ADAMTS17: variants seen among roughly 807,000 people sequenced by gnomAD.
ADAMTS17 encodes the protein ADAM metallopeptidase with thrombospondin type 1 motif 17.
Under a neutral mutation model 141.5 loss-of-function variants are expected in ADAMTS17, and 113 were observed. The ratio of observed to expected loss-of-function variants is 0.80; its 90% CI spans 0.69 to 0.93. The LOEUF (loss-of-function observed/expected upper bound fraction) is 0.93. Ranked by LOEUF, ADAMTS17 falls within the 40% of genes least tolerant of loss-of-function variation. The pLI is 0.00. For missense variants in ADAMTS17, 1,659 were observed against 1,517.9 expected (o/e 1.09, Z -1.54); for synonymous variants, 768 against 630.6 (o/e 1.22, Z -3.27).
At chr15:100,036,560 C>T (rs1021068403) in intron 18 of ADAMTS17, among the ~76,000 whole-genome samples, 16 of 152,234 alleles carry the variant, frequency 1.1e-4, no homozygotes, top group African/African-American at 3.6e-4. Flanking sequence ...CGAGAGCCTG[C>T]AACCGTAAGT....
At chr15:100,058,815 G>C (rs1221318228) in intron 15 of ADAMTS17, among the ~76,000 whole-genome samples, 1 of 152,248 alleles carries the variant, frequency 6.6e-6, no homozygotes, top group Non-Finnish European at 1.5e-5. Context: ...GGAGGCCACG[G>C]AGGAGTCACT....
chr15:100,225,048 T>C (rs2042252418), intron 7 of ADAMTS17, among the ~76,000 whole-genome samples: 1 of 152,228 alleles, frequency 6.6e-6, no homozygotes, highest in Non-Finnish European at 1.5e-5. Flanking sequence ...TCCCTGTTAC[T>C]CACCACCAAT....
chr15:100,073,885 G>A (rs1407855442), intron 15 of ADAMTS17, among the ~76,000 whole-genome samples: 2 of 147,922 alleles, frequency 1.4e-5, no homozygotes, highest in East Asian at 2.0e-4. Context: ...TGCACGTTGT[G>A]CACATGTACC....
chr15:100,017,046 G>A (rs1486482221), intron 18 of ADAMTS17, among the ~76,000 whole-genome samples: 1 of 152,196 alleles, frequency 6.6e-6, no homozygotes, highest in Non-Finnish European at 1.5e-5. Flanking sequence ...TGCTGTGGCT[G>A]CTATGGGGGA....
At chr15:100,076,719 A>G (rs1385554786) in intron 15 of ADAMTS17, among the ~76,000 whole-genome samples, 1 of 152,182 alleles carries the variant, frequency 6.6e-6, no homozygotes, top group East Asian at 1.9e-4. Context: ...AACAATTTAT[A>G]TATTTTGAAT....
intron 7 of ADAMTS17, among the ~76,000 whole-genome samples, chr15:100,221,720 T>C (rs1411807567): frequency 1.3e-5 from 2 of 152,200 alleles, no homozygotes; most frequent in Non-Finnish European, 2.9e-5. Flanking sequence ...TGTAAATGGA[T>C]GAAGAGTGCC....
intron 4 of ADAMTS17, among the ~76,000 whole-genome samples, chr15:100,267,248 T>C (rs1457809881): frequency 1.3e-5 from 2 of 152,180 alleles, no homozygotes; most frequent in Non-Finnish European, 2.9e-5. Context: ...ACTTGTGTTT[T>C]TGTGTCACTT....
chr15:100,035,351 C>A (rs79425535), intron 18 of ADAMTS17, among the ~76,000 whole-genome samples: 6,301 of 152,258 alleles, frequency 0.041, 274 homozygotes, highest in African/African-American at 0.11. Flanking sequence ...ATTTTTAAAA[C>A]ATTAATTTTA....
At chr15:100,104,930 A>G (rs2036323793) in intron 14 of ADAMTS17, among the ~76,000 whole-genome samples, 1 of 152,230 alleles carries the variant, frequency 6.6e-6, no homozygotes, top group South Asian at 2.1e-4. Context: ...AGAATGCCTG[A>G]TTTTTATAAA....
chr15:100,159,711 C>A (rs1596141025), intron 8 of ADAMTS17, among the ~76,000 whole-genome samples: 1 of 152,214 alleles, frequency 6.6e-6, no homozygotes, highest in African/African-American at 2.4e-5. Flanking sequence ...TCTTAATCAG[C>A]ATTAACAATG....
chr15:100,160,652 C>T (rs955990219), intron 8 of ADAMTS17, among the ~76,000 whole-genome samples: 2 of 152,130 alleles, frequency 1.3e-5, no homozygotes, highest in African/African-American at 4.8e-5. Context: ...TGTGGCCAAC[C>T]GAAGCACACC....
intron 10 of ADAMTS17, among the ~76,000 whole-genome samples, chr15:100,147,747 T>C (rs79275316): frequency 0.011 from 1,727 of 152,308 alleles, 25 homozygotes; most frequent in African/African-American, 0.038. Flanking sequence ...CTTTTATGTA[T>C]GTGAAAAACC....
chr15:100,112,982 T>G (rs1438599296), intron 13 of ADAMTS17, among the ~76,000 whole-genome samples: 1 of 152,152 alleles, frequency 6.6e-6, no homozygotes, highest in Non-Finnish European at 1.5e-5. Flanking sequence ...CTTAGTATGG[T>G]GGGGACATTG....
intron 6 of ADAMTS17, among the ~76,000 whole-genome samples, chr15:100,255,154 T>C (rs535594199): frequency 1.1e-3 from 170 of 152,274 alleles, no homozygotes; most frequent in African/African-American, 4.0e-3. Context: ...TGGCCTGCTG[T>C]GGGGAAACCA....
At chr15:100,097,928 A>G (rs938263023) in intron 14 of ADAMTS17, among the ~76,000 whole-genome samples, 6 of 152,242 alleles carry the variant, frequency 3.9e-5, no homozygotes, top group East Asian at 1.9e-4. Context: ...CTGTCCAAAA[A>G]TGATAGCATA....
At chr15:100,332,619 G>C (rs1162677116) in intron 2 of ADAMTS17, among the ~76,000 whole-genome samples, 1 of 152,264 alleles carries the variant, frequency 6.6e-6, no homozygotes, top group East Asian at 1.9e-4. Flanking sequence ...TCAGCTGTTA[G>C]TTCTAAGCTG....
intron 9 of ADAMTS17, among the ~76,000 whole-genome samples, chr15:100,154,290 C>T (rs1030364340): frequency 6.6e-6 from 1 of 152,186 alleles, no homozygotes; most frequent in Non-Finnish European, 1.5e-5. Context: ...GTATCAAATA[C>T]TCAGTGGGAA....
Position 100,341,089 on chromosome 15 carries a change from G to T in ADAMTS17, c.400C>A (p.His134Asn). ...LCFYSGRVLG[H>N]PGSLVSLSAC... is the part of the protein sequence containing the mutation. ...CTGAGCGAGACGAGGGAGCCGGGGT[G>T]GCCGAGCACACGGCCCGAGTAGAAG... The change falls in exon 2 of 22, where the codon CAC (histidine) becomes AAC (asparagine). Residue 134 changes from histidine (H) to asparagine (N), a missense_variant. Transcript: ENST00000268070. 1 of 1,518,436 alleles carries T rather than the reference G, an allele frequency of 6.6e-7. No homozygotes were observed. Among genetic ancestry groups the T allele is most frequent in the South Asian group, 1.2e-5 (1 of 83,110 alleles). 94.1% of individuals were successfully genotyped at this position (1,518,436 alleles called of 1,614,324 possible). A position where few individuals can be genotyped will look rare whatever the true frequency, so the allele number is the denominator to read the frequency against.
At chr15:100,220,675 C>T (rs1432710707) in intron 7 of ADAMTS17, among the ~76,000 whole-genome samples, 2 of 152,164 alleles carry the variant, frequency 1.3e-5, no homozygotes, top group African/African-American at 4.8e-5. Context: ...TCACAGCCCA[C>T]TTCCTCCTCC....
Sources: gnomAD v4.1 joint callset for allele counts (sites outside exome capture counted in the v4.1 genomes callset) on GRCh38, gnomAD v4.1.1 for gene constraint, MANE v1.5 for transcripts, NCBI Gene and HGNC (gene_info 2026-07-23, HGNC 2026-07-21) for gene names.